Variants in HOXB3 observed in about 807,000 individuals in gnomAD.
HOXB3 encodes the protein homeobox protein Hox-B3.
Under a neutral mutation model 29.2 loss-of-function variants are expected in HOXB3, and 17 were observed. The ratio of observed to expected loss-of-function variants is 0.58; its 90% CI spans 0.40 to 0.87. The LOEUF (loss-of-function observed/expected upper bound fraction) is 0.87, where lower values mean the gene tolerates loss of function less well. Ranked by LOEUF, HOXB3 falls within the 40% of genes least tolerant of loss-of-function variation. The pLI is 0.00. For synonymous variants in HOXB3, 317 were observed against 285.9 expected, an observed-to-expected ratio of 1.11 and a Z score of -1.10; for missense variants, 637 against 616.3, an observed-to-expected ratio of 1.03 and a Z score of -0.35.
At chr17:48,553,915 TCAACTC>T (rs1187526666) in intron 3 of HOXB3, 2 of 152,264 alleles carry the variant, frequency 1.3e-5, no homozygotes, top group Non-Finnish European at 2.9e-5. Flanking sequence ...GCCTAGCTGT[TCAACTC>T]CAAAGAAAAC....
At chr17:48,551,251 T>C (rs191122217) in intron 4 of HOXB3, 70 bp from the exon 5 acceptor site, 22,794 of 1,250,946 alleles carry the variant, frequency 0.018, 260 homozygotes, top group South Asian at 0.044. Flanking sequence ...CACGCCGAAA[T>C]TGAATGCATC....
chr17:48,569,075 T>C (rs943611615), intron 2 of HOXB3, among the ~76,000 whole-genome samples: 18 of 151,876 alleles, frequency 1.2e-4, no homozygotes, highest in Admixed American at 6.6e-4. Context: ...CCTCTCTTTT[T>C]TTTTCTCGGG....
Position 48,577,780 on chromosome 17 carries a change from AC to A in HOXB3, c.-424-3767del, listed in dbSNP as rs151227265. ...GGGGACAATTGGCTTCCCCAGCTCA[AC>A]CCCCCCCCAACCCATGCCTCCGAAG... On this transcript the variant is annotated intron_variant, in intron 1 of 4. Coordinates refer to ENST00000498678, the MANE Select transcript of HOXB3 (RefSeq NM_001384749.1). The A allele has an allele frequency of 5.5e-3, 6,288 of 1,143,226 alleles. 32 individuals carry two copies. The highest frequency in any genetic ancestry group is 0.025 in the African/African-American group (1,578 of 62,230). 70.8% of individuals were successfully genotyped at this position (1,143,226 alleles called of 1,614,324 possible).
intron 1 of HOXB3, among the ~76,000 whole-genome samples, chr17:48,587,420 G>A (rs1033830193): frequency 3.3e-5 from 5 of 152,198 alleles, no homozygotes; most frequent in African/African-American, 1.2e-4. Context: ...TGCTAGCCCT[G>A]TCTTCCGAGA....
At position 48,552,571 on chromosome 17, in the gene HOXB3, A is replaced by ACCCCCCCCCCCCCCCCCCCCCC. The variant is rs59742556; in HGVS notation, c.-98_-97insGGGGGGGGGGGGGGGGGGGGGG. On this transcript the variant is annotated 5_prime_UTR_variant, in exon 4 of 5. It introduces an in-frame stop codon into an upstream open reading frame of the 5' UTR. Coordinates refer to ENST00000498678, the MANE Select transcript of HOXB3 (RefSeq NM_001384749.1). ...CCCTGGGGGTCACGTGACACGCCGG[A>ACCCCCCCCCCCCCCCCCCCCCC]CCCCCCCCCCCCACCTCCCCTCTCT... The ACCCCCCCCCCCCCCCCCCCCCC allele has an allele frequency of 5.9e-6, 3 of 504,638 alleles. No homozygotes were observed. The highest frequency in any genetic ancestry group is 4.0e-5 in the African/African-American group (1 of 24,692). 31.3% of individuals were successfully genotyped at this position (504,638 alleles called of 1,614,324 possible).
intron 1 of HOXB3, chr17:48,576,715 G>T (rs749183012): frequency 5.7e-6 from 9 of 1,565,254 alleles, no homozygotes; most frequent in Non-Finnish European, 7.8e-6. Flanking sequence ...TCCCGCGTGC[G>T]GGGGCACTAG....
intron 3 of HOXB3, 140 bp downstream of exon 3, chr17:48,555,391 A>AGGGAGG: frequency 1.5e-6 from 1 of 662,688 alleles, no homozygotes; most frequent in East Asian, 2.9e-5. Context: ...GGAGGGAGGG[A>AGGGAGG]GAGAGAGAGT....
At position 48,552,571 on chromosome 17, in the gene HOXB3, A is replaced by ACCCCCCCCCCCC. The variant is rs59742556; in HGVS notation, c.-109_-98dup. The ACCCCCCCCCCCC allele has an allele frequency of 5.9e-6, 3 of 504,640 alleles. No individual in the cohort carries two copies. The highest frequency in any genetic ancestry group is 4.0e-5 in the African/African-American group (1 of 24,692). 31.3% of individuals were successfully genotyped at this position (504,640 alleles called of 1,614,324 possible). On this transcript the variant is annotated 5_prime_UTR_variant, in exon 4 of 5. Coordinates refer to ENST00000498678, the MANE Select transcript of HOXB3 (RefSeq NM_001384749.1). Reference sequence around the variant, plus strand: ...CCCTGGGGGTCACGTGACACGCCGGACCCCCCCCCCCCACCTCCCCTCTCT... The same window carrying ACCCCCCCCCCCC: ...CCCTGGGGGTCACGTGACACGCCGGACCCCCCCCCCCCCCCCCCCCCCCCACCTCCCCTCTCT...
chr17:48,574,176 C>T, intron 1 of HOXB3, 162 bp from the exon 2 acceptor site: 1 of 317,394 alleles, frequency 3.2e-6, no homozygotes, highest in Non-Finnish European at 5.8e-6. Flanking sequence ...CTATTCATAC[C>T]TTCCAAAGAG....
At chr17:48,573,020 A>G (rs1178443456) in intron 2 of HOXB3, among the ~76,000 whole-genome samples, 4 of 152,148 alleles carry the variant, frequency 2.6e-5, no homozygotes, top group Admixed American at 2.6e-4. Flanking sequence ...TCAGGGAAAA[A>G]GGGCCAACAC....
At chr17:48,558,901 T>C (rs76256235) in intron 2 of HOXB3, among the ~76,000 whole-genome samples, 3,852 of 151,402 alleles carry the variant, frequency 0.025, 199 homozygotes, top group East Asian at 0.23. Context: ...CCTGGAAAAC[T>C]GTGTGTGTGT....
rs2068662659 is a variant in HOXB3, at chr17:48,550,247, C to T, written c.*87G>A. The T allele has an allele frequency of 1.0e-5, 16 of 1,563,586 alleles. No homozygotes were observed. The highest frequency in any genetic ancestry group is 1.3e-5 in the Non-Finnish European group (15 of 1,151,668). ...AGCCTGGGTACCACCTTCTCTGGCT[C>T]CTCTTTTCAGACCTCCAGGTTGCCC... On this transcript the variant is annotated 3_prime_UTR_variant, in exon 5 of 5. Transcript: ENST00000498678.
rs1393333553 is a variant in HOXB3 at position 48,552,573 on chromosome 17, C to CT, written c.-100_-99insA. 392 of 557,516 alleles carry CT rather than the reference C, an allele frequency of 7.0e-4. 5 individuals carry two copies. In the African/African-American group the frequency reaches 9.5e-3, roughly 13 times the overall value. 34.5% of individuals were successfully genotyped at this position (557,516 alleles called of 1,614,324 possible). A position where few individuals can be genotyped will look rare whatever the true frequency, so the allele number is the denominator to read the frequency against. ...CTGGGGGTCACGTGACACGCCGGACCCCCCCCCCCCACCTCCCCTCTCTGC... is the reference window on the plus strand; with the variant it reads ...CTGGGGGTCACGTGACACGCCGGACCTCCCCCCCCCCACCTCCCCTCTCTGC... On this transcript the variant is annotated 5_prime_UTR_variant, in exon 4 of 5. An upstream open reading frame in the 5' UTR gains an earlier in-frame stop. Transcript: ENST00000498678.
Position 48,552,246 on chromosome 17 carries a change from C to T in HOXB3, c.229G>A (p.Gly77Ser), listed in dbSNP as rs1350902716. Residue 77 changes from glycine (G) to serine (S), a missense_variant, in exon 4 of 5, where the codon GGT (glycine) becomes AGT (serine). Transcript: ENST00000498678. Reference protein sequence around the residue: ...KELNGSCMRPGLAPEPLSAPP... With the variant: ...KELNGSCMRPSLAPEPLSAPP... ...GCCGACAGGGGCTCGGGGGCCAGAC[C>T]CGGCCTCATGCAGCTGCCGTTGAGC... 1.2e-6 allele frequency: 2 copies of T among 1,613,086 alleles called. No homozygotes were observed. The highest frequency in any genetic ancestry group is 1.7e-5 in the Admixed American group (1 of 59,974).
Position 48,550,885 on chromosome 17 carries a change from C to A in HOXB3, c.745G>T (p.Ala249Ser), listed in dbSNP as rs373574756. The A allele has an allele frequency of 1.2e-6, 2 of 1,613,862 alleles. No homozygotes were observed. Among genetic ancestry groups the A allele is most frequent in the Admixed American group, 1.7e-5 (1 of 59,984 alleles). Residue 249 changes from alanine to serine, a missense_variant, in exon 5 of 5, where the codon GCC becomes TCC. Coordinates refer to ENST00000498678, the MANE Select transcript of HOXB3 (RefSeq NM_001384749.1). ...CCCGACGACGAGGCCAATCCCTTGG[C>A]CTTCTGGTCCTTCTTGTACTTCATG... ...RRMKYKKDQK[A>S]KGLASSSGGP...
intron 2 of HOXB3, chr17:48,560,429 G>A (rs1234287547): frequency 6.6e-6 from 1 of 151,986 alleles, no homozygotes; most frequent in Non-Finnish European, 1.5e-5. Context: ...ATTAGTGTTT[G>A]GGGCTAGGCT....
chr17:48,566,130 T>C (rs2069379469), intron 2 of HOXB3, among the ~76,000 whole-genome samples: 1 of 152,170 alleles, frequency 6.6e-6, no homozygotes, highest in Non-Finnish European at 1.5e-5. Context: ...TCCCAACCCC[T>C]GAACAACACA....
chr17:48,555,483 A>G lies in HOXB3; in HGVS notation c.-159+48T>C, dbSNP rs534224252. On this transcript the variant is annotated intron_variant, in intron 3 of 4. Transcript: ENST00000498678. Reference sequence around the variant, plus strand: ...CATATGGGCCATAAATCATTGAGACATACTCTCCGCCATTCACAAACTGAT... The same window carrying G: ...CATATGGGCCATAAATCATTGAGACGTACTCTCCGCCATTCACAAACTGAT... 45 of 702,484 alleles carry G rather than the reference A, an allele frequency of 6.4e-5. No individual in the cohort carries two copies. In the East Asian group the frequency reaches 1.1e-3, roughly 17 times the overall value. 43.5% of individuals were successfully genotyped at this position (702,484 alleles called of 1,614,324 possible). A position where few individuals can be genotyped will look rare whatever the true frequency, so the allele number is the denominator to read the frequency against.
Position 48,552,385 on chromosome 17 carries a change from A to G in HOXB3, c.90T>C (p.Asp30=). The G allele has an allele frequency of 6.2e-7, 1 of 1,612,998 alleles. No homozygotes were observed. The highest frequency in any genetic ancestry group is 8.5e-7 in the Non-Finnish European group (1 of 1,179,286). ...SYPGSNGFGF[D]VPPQPPFQAA... ...CCTGAAATGGGGGTTGGGGGGGGAC[A>G]TCGAAGCCGAAGCCATTGCTGCCAG... Residue 30 remains aspartate (D), a synonymous_variant, in exon 4 of 5, where the codon GAT becomes GAC. Transcript: ENST00000498678.
Sources: gnomAD v4.1 joint callset for allele counts (sites outside exome capture counted in the v4.1 genomes callset) on GRCh38, gnomAD v4.1.1 for gene constraint, MANE v1.5 for transcripts, NCBI Gene and HGNC (gene_info 2026-07-23, HGNC 2026-07-21) for gene names.